Variants in PDE1A observed in about 807,000 individuals in gnomAD.
PDE1A encodes phosphodiesterase 1A, also known as dual specificity calcium/calmodulin-dependent 3',5'-cyclic nucleotide phosphodiesterase 1A.
In PDE1A, 35 loss-of-function variants were observed where a neutral mutation model predicts 61.7. The observed-to-expected ratio is 0.57, with a 90% confidence interval of 0.43 to 0.75. PDE1A has a LOEUF of 0.75. Ranked by LOEUF, PDE1A falls within the 30% of genes least tolerant of loss-of-function variation. The pLI is 0.00. For synonymous variants in PDE1A, 232 were observed against 213.2 expected (o/e 1.09, Z -0.77); for missense variants, 597 against 630.6 (o/e 0.95, Z 0.57).
the PDE1A span, among the ~76,000 whole-genome samples, chr2:182,642,384 T>C: frequency 6.6e-6 from 1 of 152,156 alleles, no homozygotes; most frequent in Non-Finnish European, 1.5e-5. Flanking sequence ...TTCCACTGCT[T>C]TGCCTCAGAT....
the PDE1A span, among the ~76,000 whole-genome samples, chr2:182,631,207 G>A: frequency 2.0e-5 from 3 of 152,164 alleles, no homozygotes; most frequent in African/African-American, 7.2e-5. Context: ...AGAACCAGGT[G>A]TACTAAGGGC....
chr2:182,671,273 G>C, the PDE1A span, among the ~76,000 whole-genome samples: 1 of 108,070 alleles, frequency 9.3e-6, no homozygotes, highest in Non-Finnish European at 2.1e-5. Context: ...CAGGGTTCAC[G>C]CCATTCTCCT....
At chr2:182,169,912 A>ACG (rs1198603377) in intron 13 of PDE1A, among the ~76,000 whole-genome samples, 1 of 117,216 alleles carries the variant, frequency 8.5e-6, no homozygotes, top group African/African-American at 3.8e-5. Context: ...ACACACACAC[A>ACG]CACACACACG....
chr2:182,296,927 C>G (rs896361530), intron 1 of PDE1A, among the ~76,000 whole-genome samples: 13 of 152,180 alleles, frequency 8.5e-5, no homozygotes, highest in Admixed American at 2.6e-4. Context: ...GAATGTCAGT[C>G]TTCTCCTGCC....
At chr2:182,348,876 T>C (rs1390508984) in intron 1 of PDE1A, among the ~76,000 whole-genome samples, 2 of 151,914 alleles carry the variant, frequency 1.3e-5, no homozygotes, top group African/African-American at 2.4e-5. Context: ...CTAGACGGTT[T>C]TGTCTGTGGA....
intron 2 of PDE1A, among the ~76,000 whole-genome samples, chr2:182,509,251 A>C (rs1355133796): frequency 6.6e-6 from 1 of 152,234 alleles, no homozygotes; most frequent in East Asian, 1.9e-4. Flanking sequence ...TGTAGCTATT[A>C]GCTAGAATCA....
chr2:182,626,750 TATATATATATAC>T, the PDE1A span, among the ~76,000 whole-genome samples: 21 of 20,786 alleles, frequency 1.0e-3, 2 homozygotes, highest in African/African-American at 2.5e-3. Flanking sequence ...TATATATACA[TATATATATATAC>T]ATATATATAC....
At chr2:182,371,245 T>C (rs1457613035) in intron 1 of PDE1A, among the ~76,000 whole-genome samples, 1 of 152,216 alleles carries the variant, frequency 6.6e-6, no homozygotes. Context: ...TATTAAATTA[T>C]TCTTTTAATA....
At chr2:182,416,588 G>A (rs1412974356) in intron 1 of PDE1A, among the ~76,000 whole-genome samples, 1 of 151,960 alleles carries the variant, frequency 6.6e-6, no homozygotes, top group Non-Finnish European at 1.5e-5. Context: ...TGTTAACTAT[G>A]GAGAAGTTTC....
At position 182,242,732 on chromosome 2, in the gene PDE1A, C is replaced by A. The variant is rs373351107; in HGVS notation, c.168-2440G>T. Among the ~76,000 whole-genome samples the A allele has an allele frequency of 8.5e-5, 13 of 152,300 alleles. 1 individual carries two copies. Among genetic ancestry groups the A allele is most frequent in the African/African-American group, 2.9e-4 (12 of 41,570 alleles). On this transcript the variant is annotated intron_variant, in intron 2 of 13. Coordinates refer to ENST00000351439, the Ensembl canonical transcript of PDE1A. ...AGAAAGGAATTCAGCTTCCAGAACG[C>A]CTTTGAAATCAAGACTGCAACAATG... is the stretch of plus-strand genomic sequence containing the variant.
chr2:182,525,733 A>T (rs1271731205), upstream of PDE1A, among the ~76,000 whole-genome samples: 1 of 152,172 alleles, frequency 6.6e-6, no homozygotes, highest in African/African-American at 2.4e-5. Context: ...TCTTTATAGC[A>T]ATGTAAGAAT....
intron 9 of PDE1A, 42 bp from the exon 10 acceptor site, chr2:182,201,601 A>G: frequency 1.9e-6 from 3 of 1,599,936 alleles, no homozygotes; most frequent in African/African-American, 2.7e-5. Flanking sequence ...AAAACAAAGG[A>G]AACAATTACA....
chr2:182,504,311 CTT>C (rs951749559), intron 2 of PDE1A, among the ~76,000 whole-genome samples: 1 of 152,134 alleles, frequency 6.6e-6, no homozygotes, highest in African/African-American at 2.4e-5. Flanking sequence ...CATGTGATTT[CTT>C]GTTTCCCAGG....
At chr2:182,529,053 T>C in the PDE1A span, among the ~76,000 whole-genome samples, 1 of 152,160 alleles carries the variant, frequency 6.6e-6, no homozygotes, top group African/African-American at 2.4e-5. Context: ...ACTTGGATAC[T>C]ACCTAGTGGA....
At chr2:182,423,205 T>C (rs1299161141) in intron 1 of PDE1A, among the ~76,000 whole-genome samples, 2 of 152,196 alleles carry the variant, frequency 1.3e-5, no homozygotes, top group South Asian at 2.1e-4. Flanking sequence ...TATGAAAATA[T>C]ATACCTAAAA....
At chr2:182,162,924 GATT>G (rs1691463395), downstream of PDE1A, among the ~76,000 whole-genome samples, 1 of 152,144 alleles carries the variant, frequency 6.6e-6, no homozygotes, top group South Asian at 2.1e-4. Flanking sequence ...AGTGGGTGAA[GATT>G]ATTATGATAG....
chr2:182,487,116 A>C (rs949951854), intron 2 of PDE1A, among the ~76,000 whole-genome samples: 2 of 152,206 alleles, frequency 1.3e-5, no homozygotes, highest in Admixed American at 1.3e-4. Flanking sequence ...AATTGAATAG[A>C]TATTCTATCA....
chr2:182,167,394 T>C (rs2125310900), downstream of PDE1A, among the ~76,000 whole-genome samples: 1 of 152,296 alleles, frequency 6.6e-6, no homozygotes, highest in South Asian at 2.1e-4. Context: ...GTATCCTATG[T>C]TTCTTTAAAA....
At chr2:182,643,065 C>T in the PDE1A span, among the ~76,000 whole-genome samples, 1 of 152,172 alleles carries the variant, frequency 6.6e-6, no homozygotes, top group South Asian at 2.1e-4. Flanking sequence ...TATTCCCTGT[C>T]TAGTGCAGCC....
Sources: gnomAD v4.1 joint callset for allele counts (sites outside exome capture counted in the v4.1 genomes callset) on GRCh38, gnomAD v4.1.1 for gene constraint, MANE v1.5 for transcripts, NCBI Gene and HGNC (gene_info 2026-07-23, HGNC 2026-07-21) for gene names.